Variants in LRRTM4 observed in about 807,000 individuals in gnomAD.
LRRTM4 encodes leucine-rich repeat transmembrane neuronal protein 4.
Under a neutral mutation model 47.6 loss-of-function variants are expected in LRRTM4, and 25 were observed. The ratio of observed to expected loss-of-function variants is 0.53; its 90% confidence interval spans 0.38 to 0.73. LRRTM4 has a LOEUF of 0.73. LRRTM4 is among the 30% of genes least tolerant of loss of function. The pLI, the probability that LRRTM4 is intolerant of heterozygous loss-of-function variation, is 0.00. For missense variants in LRRTM4, 638 were observed against 713.4 expected, an observed-to-expected ratio of 0.89 and a Z score of 1.20; for synonymous variants, 311 against 269.5, an observed-to-expected ratio of 1.15 and a Z score of -1.51.
At chr2:76,918,584 T>C (rs903912030) in intron 3 of LRRTM4, among the ~76,000 whole-genome samples, 1 of 152,054 alleles carries the variant, frequency 6.6e-6, no homozygotes, top group African/African-American at 2.4e-5. Context: ...GCATTTCACA[T>C]AAATGAGAGG....
At chr2:77,481,223 T>A (rs66994231) in intron 3 of LRRTM4, among the ~76,000 whole-genome samples, 46,448 of 152,022 alleles carry the variant, frequency 0.31, 7,338 homozygotes, top group East Asian at 0.55. Context: ...GGAATTCTTG[T>A]CATAACCCTG....
chr2:77,175,710 CCCTTGGT>C (rs1291042572), intron 3 of LRRTM4, among the ~76,000 whole-genome samples: 3 of 152,074 alleles, frequency 2.0e-5, no homozygotes, highest in African/African-American at 7.2e-5. Context: ...TCATGATAGC[CCCTTGGT>C]CCTACTTTAC....
At chr2:77,136,260 G>A (rs1671938773) in intron 3 of LRRTM4, among the ~76,000 whole-genome samples, 2 of 152,180 alleles carry the variant, frequency 1.3e-5, no homozygotes, top group Non-Finnish European at 2.9e-5. Flanking sequence ...ACATGGCTGG[G>A]TACCCCTCTG....
intron 3 of LRRTM4, among the ~76,000 whole-genome samples, chr2:76,750,424 C>T (rs1672812318): frequency 6.6e-6 from 1 of 152,210 alleles, no homozygotes; most frequent in African/African-American, 2.4e-5. Context: ...TGTGATACCA[C>T]AGCAATATCT....
At chr2:77,450,408 A>G (rs1676212874) in intron 3 of LRRTM4, among the ~76,000 whole-genome samples, 1 of 152,150 alleles carries the variant, frequency 6.6e-6, no homozygotes, top group Non-Finnish European at 1.5e-5. Flanking sequence ...CAAGATATAT[A>G]CTTGAAATCC....
intron 3 of LRRTM4, among the ~76,000 whole-genome samples, chr2:76,877,576 C>G (rs1055452194): frequency 6.6e-6 from 1 of 152,060 alleles, no homozygotes; most frequent in South Asian, 2.1e-4. Flanking sequence ...TACATTCTAA[C>G]AATAAACTAG....
intron 3 of LRRTM4, among the ~76,000 whole-genome samples, chr2:77,107,833 A>AAAAG (rs1372559985): frequency 6.6e-6 from 1 of 151,374 alleles, no homozygotes; most frequent in African/African-American, 2.4e-5. Context: ...AAAAAAAAAA[A>AAAAG]AAAGAAAGAA....
chr2:77,042,868 T>C (rs1462661959), intron 3 of LRRTM4, among the ~76,000 whole-genome samples: 1 of 151,728 alleles, frequency 6.6e-6, no homozygotes, highest in Non-Finnish European at 1.5e-5. Context: ...ACAAAGTCTC[T>C]GGAATGGGCC....
chr2:77,248,225 G>GCAA (rs1472699315), intron 3 of LRRTM4, among the ~76,000 whole-genome samples: 1 of 151,460 alleles, frequency 6.6e-6, no homozygotes, highest in African/African-American at 2.4e-5. Flanking sequence ...TGTTTTATGT[G>GCAA]AGTATATGTG....
intron 3 of LRRTM4, among the ~76,000 whole-genome samples, chr2:77,245,201 TAGA>T (rs1558650867): frequency 4.4e-4 from 48 of 108,136 alleles, no homozygotes; most frequent in African/African-American, 1.6e-3. Flanking sequence ...AGGAAACAGA[TAGA>T]AATAATACTT....
intron 3 of LRRTM4, among the ~76,000 whole-genome samples, chr2:77,468,926 T>G (rs1478101615): frequency 6.6e-6 from 1 of 152,200 alleles, no homozygotes; most frequent in Non-Finnish European, 1.5e-5. Flanking sequence ...GAACTGAATA[T>G]CTTAGAATAA....
chr2:76,764,227 T>G (rs908466789), intron 3 of LRRTM4, among the ~76,000 whole-genome samples: 2 of 152,134 alleles, frequency 1.3e-5, no homozygotes, highest in African/African-American at 4.8e-5. Context: ...CTTAAAGATT[T>G]GGAGAATTCT....
At chr2:77,071,035 TCTC>T (rs1220556914) in intron 3 of LRRTM4, among the ~76,000 whole-genome samples, 6 of 152,204 alleles carry the variant, frequency 3.9e-5, no homozygotes, top group Non-Finnish European at 8.8e-5. Flanking sequence ...AATATTTTAT[TCTC>T]CTTTTTGTTT....
rs58615415 is a variant in LRRTM4 at position 76,913,543 on chromosome 2, A to ATTTT, written c.1552-164631_1552-164628dup. Among the ~76,000 whole-genome samples, 32 of 121,484 alleles carry ATTTT rather than the reference A, an allele frequency of 2.6e-4. 4 individuals carry two copies. The East Asian group carries it at 9.3e-3, about 35-fold the overall frequency. The allele number at this position is 121,484 out of a possible 152,430, so 79.7% of individuals were successfully genotyped here. On this transcript the variant is annotated intron_variant, in intron 3 of 3. Coordinates refer to ENST00000409884, the MANE Select transcript of LRRTM4 (RefSeq NM_001134745.3). The stretch of plus-strand genomic sequence containing the variant: ...CCAAATATTTAGAGATCCTATTTCA[A>ATTTT]TTTTTTTTTTTTTTGAGACAGAGTC...
At chr2:77,310,454 G>A (rs188608322) in intron 3 of LRRTM4, among the ~76,000 whole-genome samples, 176 of 152,204 alleles carry the variant, frequency 1.2e-3, no homozygotes, top group Admixed American at 2.3e-3. Context: ...ACTCTTCTGT[G>A]TGTCTGTAGA....
At chr2:76,807,623 ACT>A (rs1378946557) in intron 3 of LRRTM4, among the ~76,000 whole-genome samples, 3 of 151,042 alleles carry the variant, frequency 2.0e-5, no homozygotes, top group African/African-American at 7.3e-5. Context: ...ACTAAGTCTC[ACT>A]CTGTTGCCCA....
At position 77,307,472 on chromosome 2, in the gene LRRTM4, A is replaced by G. The variant is rs368810497; in HGVS notation, c.1551+210846T>C. Among the ~76,000 whole-genome samples the G allele has an allele frequency of 1.6e-4, 23 of 147,934 alleles. No individual in the cohort carries two copies. The South Asian group carries it at 4.4e-3, about 28-fold the overall frequency. Reference sequence around the variant, plus strand: ...TCTGAAATTTAATAATTCAATGTTTATATACATACATAATACATGTCACTT... The same window carrying G: ...TCTGAAATTTAATAATTCAATGTTTGTATACATACATAATACATGTCACTT... On this transcript the variant is annotated intron_variant, in intron 3 of 3. Coordinates refer to ENST00000409884, the MANE Select transcript of LRRTM4 (RefSeq NM_001134745.3).
intron 3 of LRRTM4, among the ~76,000 whole-genome samples, chr2:77,484,851 A>AATTACTGG (rs1478474446): frequency 1.3e-5 from 2 of 152,128 alleles, no homozygotes; most frequent in Non-Finnish European, 2.9e-5. Context: ...CACTGAATTT[A>AATTACTGG]ATTACTGGAA....
intron 3 of LRRTM4, among the ~76,000 whole-genome samples, chr2:76,865,052 C>G (rs1672428138): frequency 6.6e-6 from 1 of 152,060 alleles, no homozygotes; most frequent in Admixed American, 6.6e-5. Context: ...AAAACCATTA[C>G]TGTGGTCCTG....
Sources: allele counts gnomAD v4.1 joint callset (sites outside exome capture counted in the v4.1 genomes callset), GRCh38; gene constraint gnomAD v4.1.1; transcripts MANE v1.5; gene names NCBI Gene and HGNC (gene_info 2026-07-23, HGNC 2026-07-21).